Variants in ZNF627 observed in about 807,000 individuals in gnomAD.
ZNF627 encodes zinc finger protein 627.
Under a neutral mutation model 10.6 loss-of-function variants are expected in ZNF627, and 12 were observed. The ratio of observed to expected loss-of-function variants is 1.13; its 90% CI spans 0.73 to 1.84. The LOEUF (loss-of-function observed/expected upper bound fraction) is 1.84. Ranked by LOEUF, ZNF627 falls within the 40% of genes most tolerant of loss-of-function variation. The pLI is 0.00. For synonymous variants in ZNF627, 176 were observed against 187.1 expected, an observed-to-expected ratio of 0.94 and a Z score of 0.48; for missense variants, 504 against 568.4, an observed-to-expected ratio of 0.89 and a Z score of 1.15.
Position 11,617,899 on chromosome 19 carries a change from G to C in ZNF627, c.*10G>C. On this transcript the variant is annotated 3_prime_UTR_variant, in exon 4 of 4. Coordinates refer to ENST00000361113, the MANE Select transcript of ZNF627 (RefSeq NM_145295.4). ...CCCAGTTCTTTCATGAGCATGAAAGGAGTCACATAGAGAAACCCCATGAAA... is the reference window on the plus strand; with the variant it reads ...CCCAGTTCTTTCATGAGCATGAAAGCAGTCACATAGAGAAACCCCATGAAA... The C allele has an allele frequency of 1.3e-6, 2 of 1,509,516 alleles. No individual in the cohort carries two copies. The highest frequency in any genetic ancestry group is 1.8e-6 in the Non-Finnish European group (2 of 1,138,594). The allele number at this position is 1,509,516 out of a possible 1,614,324, so 93.5% of individuals were successfully genotyped here.
At chr19:11,610,144 C>T (rs141102841) in intron 1 of ZNF627, among the ~76,000 whole-genome samples, 2,204 of 150,654 alleles carry the variant, frequency 0.015, 35 homozygotes, top group Middle Eastern at 0.045. Flanking sequence ...CTCCGCCTCC[C>T]GGGTTCAAGC....
At chr19:11,602,110 G>A (rs780588505) in intron 1 of ZNF627, among the ~76,000 whole-genome samples, 9 of 151,928 alleles carry the variant, frequency 5.9e-5, no homozygotes, top group Admixed American at 1.3e-4. Flanking sequence ...AAGGTGGGAG[G>A]TGGAAGGCAG....
chr19:11,610,279 G>A (rs999243486), intron 1 of ZNF627, among the ~76,000 whole-genome samples: 1 of 151,950 alleles, frequency 6.6e-6, no homozygotes, highest in African/African-American at 2.4e-5. Flanking sequence ...GTTTTTCTGA[G>A]TATCCTAATT....
chr19:11,610,484 C>G (rs1973755324), intron 1 of ZNF627, among the ~76,000 whole-genome samples: 1 of 151,980 alleles, frequency 6.6e-6, no homozygotes, highest in Non-Finnish European at 1.5e-5. Flanking sequence ...CACCTGCAGT[C>G]CCAGTTACTA....
Position 11,617,073 on chromosome 19 carries a change from G to A in ZNF627, c.570G>A (p.Arg190=). 1 of 1,614,064 alleles carries A rather than the reference G, an allele frequency of 6.2e-7. No individual in the cohort carries two copies. The highest frequency in any genetic ancestry group is 8.5e-7 in the Non-Finnish European group (1 of 1,180,022). The change falls in exon 4 of 4, where the codon AGG becomes AGA. Residue 190 remains arginine, a synonymous_variant. Transcript: ENST00000361113. The stretch of plus-strand genomic sequence containing the variant: ...TTCGAAGACACATGTTAACGCATAG[G>A]GGAGGTGTACCTTACAAATGTAAGG... ...VSIRRHMLTH[R]GGVPYKCKVC...
rs1973924680 is a variant in ZNF627 at position 11,618,896 on chromosome 19, CTG to C, written c.*1010_*1011del. 6.6e-6 allele frequency: 1 copy of C among 152,168 alleles called. No homozygotes were observed. The highest frequency in any genetic ancestry group is 1.5e-5 in the Non-Finnish European group (1 of 68,042). The allele number at this position is 152,168 out of a possible 1,614,324, so 9.4% of individuals were successfully genotyped here. ...ATAATTTTGGCAAATTGTTAAGACACTGTGAAGTCAGCGTTAACCATGTGCAT... is the reference window on the plus strand; with the variant it reads ...ATAATTTTGGCAAATTGTTAAGACACTGAAGTCAGCGTTAACCATGTGCAT... On this transcript the variant is annotated 3_prime_UTR_variant, in exon 4 of 4. Coordinates refer to ENST00000361113, the MANE Select transcript of ZNF627 (RefSeq NM_145295.4).
Position 11,617,498 on chromosome 19 carries a change from A to G in ZNF627, c.995A>G (p.Asn332Ser), listed in dbSNP as rs759830967. ...VRRHMIKHTG[N>S]GPYKCKVCGK... ...AGACACATGATAAAGCACACTGGCA[A>G]TGGACCTTATAAATGTAAGGTGTGT... The change falls in exon 4 of 4, where the codon AAT (asparagine) becomes AGT (serine). Residue 332 changes from asparagine to serine, a missense_variant. Asn to Ser is a conservative substitution (Grantham distance 46). Transcript: ENST00000361113. The G allele has an allele frequency of 3.7e-6, 6 of 1,612,548 alleles. No individual in the cohort carries two copies. The highest frequency in any genetic ancestry group is 1.7e-4 in the Middle Eastern group (1 of 6,048).
intron 1 of ZNF627, 29 bp downstream of exon 1, chr19:11,597,659 A>G (rs1432684731): frequency 3.0e-6 from 4 of 1,337,722 alleles, no homozygotes; most frequent in Non-Finnish European, 3.9e-6. Context: ...GCGTCCCCAG[A>G]CCTGGGGGAG....
At chr19:11,604,297 C>T (rs1032244709) in intron 1 of ZNF627, 2 of 152,100 alleles carry the variant, frequency 1.3e-5, no homozygotes, top group African/African-American at 4.8e-5. Flanking sequence ...CCAGAAGCAG[C>T]CTGAGTCTCA....
intron 1 of ZNF627, among the ~76,000 whole-genome samples, chr19:11,603,091 T>G (rs189292243): frequency 3.3e-5 from 5 of 152,270 alleles, no homozygotes; most frequent in Admixed American, 2.6e-4. Context: ...TTATTACCAT[T>G]AATATTATGC....
chr19:11,598,669 C>T (rs17001471), intron 1 of ZNF627, among the ~76,000 whole-genome samples: 2,221 of 152,278 alleles, frequency 0.015, 90 homozygotes, highest in East Asian at 0.15. Context: ...CCAGTCACGA[C>T]ATTATCAACT....
rs188050277 is a variant in ZNF627 at position 11,617,934 on chromosome 19, T to C, written c.*45T>C. ...GAGAAACCCCATGAAAGTAAGAAATTTGGGAAAGCCTTCAGTCCTTTCTGT... is the reference window on the plus strand; with the variant it reads ...GAGAAACCCCATGAAAGTAAGAAATCTGGGAAAGCCTTCAGTCCTTTCTGT... On this transcript the variant is annotated 3_prime_UTR_variant, in exon 4 of 4. Transcript: ENST00000361113. 212 of 1,444,424 alleles carry C rather than the reference T, an allele frequency of 1.5e-4. No homozygotes were observed. The African/African-American group carries it at 2.8e-3, about 19-fold the overall frequency. The allele number at this position is 1,444,424 out of a possible 1,614,324, so 89.5% of individuals were successfully genotyped here.
At chr19:11,606,453 G>T (rs765654846) in intron 1 of ZNF627, among the ~76,000 whole-genome samples, 4 of 152,200 alleles carry the variant, frequency 2.6e-5, no homozygotes, top group Non-Finnish European at 5.9e-5. Flanking sequence ...CTGTGGCTTT[G>T]CAAGGTACAG....
Position 11,616,993 on chromosome 19 carries a change from G to A in ZNF627, c.490G>A (p.Gly164Arg), listed in dbSNP as rs893948956. The change falls in exon 4 of 4, where the codon GGA becomes AGA. Residue 164 changes from glycine (G) to arginine (R), a missense_variant. By Grantham distance (125) the Gly-to-Arg change is moderately radical (BLOSUM62 -2). Transcript: ENST00000361113. ...AGTACGTGAAAGGACTCATCCTGGA[G>A]GAAAGCCCTATGATTGTAAGGAATG... ...FPVRERTHPG[G>R]KPYDCKECGE... is the part of the protein sequence containing the mutation. 1.2e-6 allele frequency: 2 copies of A among 1,614,156 alleles called. No individual in the cohort carries two copies. Among genetic ancestry groups the A allele is most frequent in the Non-Finnish European group, 1.7e-6 (2 of 1,180,028 alleles).
chr19:11,617,820 A>C lies in ZNF627; in HGVS notation c.1317A>C (p.Lys439Asn). ...CCACTTACTTTCGAGTACATGAAAAAATTCATACTGGAGAGAAACCCTATG... is the reference window on the plus strand; with the variant it reads ...CCACTTACTTTCGAGTACATGAAAACATTCATACTGGAGAGAAACCCTATG... ...SRSTYFRVHE[K>N]IHTGEKPYEN... The change falls in exon 4 of 4, where the codon AAA becomes AAC. Residue 439 changes from lysine (K) to asparagine (N), a missense_variant. By Grantham distance (94) the Lys-to-Asn change is moderately conservative. Transcript: ENST00000361113. 2 of 1,606,992 alleles carry C rather than the reference A, an allele frequency of 1.2e-6. No homozygotes were observed. Among genetic ancestry groups the C allele is most frequent in the East Asian group, 2.2e-5 (1 of 44,862 alleles).
At chr19:11,613,471 A>G (rs1471327673) in intron 1 of ZNF627, among the ~76,000 whole-genome samples, 2 of 150,416 alleles carry the variant, frequency 1.3e-5, no homozygotes, top group African/African-American at 4.9e-5. Flanking sequence ...GGGGCCCCCT[A>G]TGACTGGATC....
chr19:11,605,784 C>T (rs999138436), intron 1 of ZNF627, among the ~76,000 whole-genome samples: 1 of 152,110 alleles, frequency 6.6e-6, no homozygotes, highest in Non-Finnish European at 1.5e-5. Flanking sequence ...CATTTTAAAA[C>T]AATCATGCCC....
intron 1 of ZNF627, among the ~76,000 whole-genome samples, chr19:11,603,533 C>T (rs1973624227): frequency 6.6e-6 from 1 of 151,852 alleles, no homozygotes; most frequent in Non-Finnish European, 1.5e-5. Context: ...GCAGTCCACC[C>T]AGCTATGCCT....
In ZNF627 at chr19:11,617,368, A is replaced by C; in HGVS notation, c.865A>C (p.Arg289=). 6.2e-7 allele frequency: 1 copy of C among 1,614,040 alleles called. No individual in the cohort carries two copies. Among genetic ancestry groups the C allele is most frequent in the Non-Finnish European group, 8.5e-7 (1 of 1,180,018 alleles). ...ATGTAAACAGTGCGGTAAAGCCTTT[A>C]GGTGCGCCAGTTCTGTTCGAAGTCA... ...YECKQCGKAF[R]CASSVRSHER... is the part of the protein sequence containing the mutation. The change falls in exon 4 of 4, where the codon AGG becomes CGG. Residue 289 remains arginine, a synonymous_variant. Transcript: ENST00000361113.
Sources: gnomAD v4.1 joint callset for allele counts (sites outside exome capture counted in the v4.1 genomes callset) on GRCh38, gnomAD v4.1.1 for gene constraint, MANE v1.5 for transcripts, NCBI Gene and HGNC (gene_info 2026-07-23, HGNC 2026-07-21) for gene names.